Variants in GABRB3 observed in about 807,000 individuals in gnomAD.
GABRB3 encodes gamma-aminobutyric acid receptor subunit beta-3.
Under a neutral mutation model 52.1 loss-of-function variants are expected in GABRB3, and 14 were observed. The ratio of observed to expected loss-of-function variants is 0.27; its 90% CI spans 0.18 to 0.42. GABRB3 has a LOEUF of 0.42. GABRB3 is among the 10% of genes least tolerant of loss of function. The pLI is 1.00. For missense variants in GABRB3, 307 were observed against 609.1 expected, an observed-to-expected ratio of 0.50 and a Z score of 5.22; for synonymous variants, 260 against 232.3, an observed-to-expected ratio of 1.12 and a Z score of -1.08.
At chr15:26,649,658 C>CTGTGTGTGTGTGTGTG (rs57833685) in intron 3 of GABRB3, among the ~76,000 whole-genome samples, 3,183 of 130,082 alleles carry the variant, frequency 0.024, 108 homozygotes, top group African/African-American at 0.043. Flanking sequence ...AGAGCCAAGG[C>CTGTGTGTGTGTGTGTG]TGTGTGTGTG....
At chr15:26,772,122 G>A in intron 3 of GABRB3, 1 of 369,286 alleles carries the variant, frequency 2.7e-6, no homozygotes, top group Non-Finnish European at 4.8e-6. Flanking sequence ...GGAGCTGGGA[G>A]CCCACGGGCA....
At chr15:26,624,687 G>T (rs899321770) in intron 3 of GABRB3, 3 of 983,642 alleles carry the variant, frequency 3.0e-6, no homozygotes, top group Non-Finnish European at 2.4e-6. Flanking sequence ...CGCTGCATGT[G>T]ATCAGCCATG....
At chr15:26,641,714 T>C (rs928081056) in intron 3 of GABRB3, among the ~76,000 whole-genome samples, 4 of 152,198 alleles carry the variant, frequency 2.6e-5, no homozygotes, top group Non-Finnish European at 5.9e-5. Flanking sequence ...CAGATGCCCC[T>C]TGGCTTCCCT....
At chr15:26,616,536 C>G (rs1273950358) in intron 4 of GABRB3, among the ~76,000 whole-genome samples, 1 of 150,842 alleles carries the variant, frequency 6.6e-6, no homozygotes, top group East Asian at 2.0e-4. Context: ...CCATATAACT[C>G]TGAAGAAGTG....
In GABRB3 at chr15:26,603,209, G is replaced by A. The variant is rs184647173; in HGVS notation, c.461+18105C>T. On this transcript the variant is annotated intron_variant, in intron 4 of 8. Transcript: ENST00000311550. Reference sequence around the variant, plus strand: ...ACACAACCTACCAAGATTGAACCACGAAGAAATCCAAAACCTAACAGATGA... The same window carrying A: ...ACACAACCTACCAAGATTGAACCACAAAGAAATCCAAAACCTAACAGATGA... Among the ~76,000 whole-genome samples the A allele has an allele frequency of 2.4e-4, 37 of 152,006 alleles. No individual in the cohort carries two copies. The East Asian group carries it at 6.2e-3, about 25-fold the overall frequency.
intron 4 of GABRB3, among the ~76,000 whole-genome samples, chr15:26,608,091 C>T (rs1595478412): frequency 7.1e-6 from 1 of 140,210 alleles, no homozygotes. Flanking sequence ...ATTAAAACAG[C>T]ATGGTACTGG....
chr15:26,703,158 T>A (rs537007782), intron 3 of GABRB3, among the ~76,000 whole-genome samples: 1 of 152,202 alleles, frequency 6.6e-6, no homozygotes, highest in African/African-American at 2.4e-5. Context: ...TGTACTGCCA[T>A]AACAGAATGC....
intron 3 of GABRB3, among the ~76,000 whole-genome samples, chr15:26,711,563 T>A (rs747940536): frequency 2.0e-5 from 3 of 152,152 alleles, no homozygotes; most frequent in Non-Finnish European, 2.9e-5. Context: ...TCTAGATTTG[T>A]CAACACTACC....
intron 3 of GABRB3, 79 bp downstream of exon 3, chr15:26,772,323 G>A (rs2140198889): frequency 3.9e-6 from 5 of 1,296,968 alleles, no homozygotes; most frequent in Admixed American, 2.0e-5. Context: ...AGAGGCCTCC[G>A]GCCCAGCACT....
At chr15:26,639,385 C>T (rs1893141312) in intron 3 of GABRB3, among the ~76,000 whole-genome samples, 1 of 148,096 alleles carries the variant, frequency 6.8e-6, no homozygotes, top group African/African-American at 2.5e-5. Flanking sequence ...CAAACAGGTA[C>T]ATTTTTTTCC....
intron 3 of GABRB3, among the ~76,000 whole-genome samples, chr15:26,738,572 C>G (rs536695269): frequency 2.6e-4 from 40 of 152,334 alleles, no homozygotes; most frequent in Non-Finnish European, 5.0e-4. Flanking sequence ...TGAATACTCT[C>G]ACACACTGAG....
chr15:26,619,394 C>A (rs922264081), intron 4 of GABRB3, among the ~76,000 whole-genome samples: 1 of 151,462 alleles, frequency 6.6e-6, no homozygotes, highest in African/African-American at 2.4e-5. Flanking sequence ...TGGAAATCAT[C>A]ATTCTCAGTA....
In GABRB3 at chr15:26,560,963, T is replaced by C. The variant is rs769025931; in HGVS notation, c.1049A>G (p.Lys350Arg). 1 of 1,614,090 alleles carries C rather than the reference T, an allele frequency of 6.2e-7. No individual in the cohort carries two copies. ...GCTTTCGCTCTTTGAACGGTCATTC[T>C]TTGCCTTGGCTGTCTTTTCTGCAAG... ...KKLAEKTAKA[K>R]NDRSKSESNR... The change falls in exon 8 of 9, where the codon AAG becomes AGG. Residue 350 changes from lysine to arginine, a missense_variant. Lys to Arg is a conservative substitution (Grantham distance 26). Transcript: ENST00000311550.
At chr15:26,603,018 G>A (rs1249149856) in intron 4 of GABRB3, among the ~76,000 whole-genome samples, 1 of 151,622 alleles carries the variant, frequency 6.6e-6, no homozygotes, top group African/African-American at 2.4e-5. Context: ...CCTTTAGCCA[G>A]ACTAACTACA....
At chr15:26,699,432 C>T (rs1023837408) in intron 3 of GABRB3, among the ~76,000 whole-genome samples, 1 of 151,628 alleles carries the variant, frequency 6.6e-6, no homozygotes, top group Non-Finnish European at 1.5e-5. Context: ...ACAGAGATTA[C>T]CAGACAAGTA....
chr15:26,767,684 T>C (rs1461853115), intron 3 of GABRB3, among the ~76,000 whole-genome samples: 1 of 152,154 alleles, frequency 6.6e-6, no homozygotes, highest in African/African-American at 2.4e-5. Context: ...AGGGACTAGA[T>C]GCACTGTGTT....
At chr15:26,642,635 A>C in intron 3 of GABRB3, 1 of 515,968 alleles carries the variant, frequency 1.9e-6, no homozygotes, top group South Asian at 1.6e-5. Flanking sequence ...CTACCTGCAT[A>C]TATAAGCATA....
chr15:26,678,962 G>A (rs1888153982), intron 3 of GABRB3, among the ~76,000 whole-genome samples: 1 of 152,154 alleles, frequency 6.6e-6, no homozygotes, highest in African/African-American at 2.4e-5. Context: ...GACAGAGTGG[G>A]ATAGCTCAAG....
chr15:26,633,220 C>T (rs925304545), intron 3 of GABRB3, among the ~76,000 whole-genome samples: 3 of 152,092 alleles, frequency 2.0e-5, no homozygotes, highest in Non-Finnish European at 4.4e-5. Flanking sequence ...TTTCATAAAA[C>T]ATTTTTTCTG....
Sources: gnomAD v4.1 joint callset for allele counts (sites outside exome capture counted in the v4.1 genomes callset) on GRCh38, gnomAD v4.1.1 for gene constraint, MANE v1.5 for transcripts, NCBI Gene and HGNC (gene_info 2026-07-23, HGNC 2026-07-21) for gene names.